The following PROZ variants were observed in gnomAD, a reference collection of about 807,000 sequenced individuals.
PROZ encodes vitamin K-dependent protein Z.
Under a neutral mutation model 34.9 loss-of-function variants are expected in PROZ, and 46 were observed. The observed-to-expected ratio is 1.32, with a 90% confidence interval of 1.04 to 1.69. PROZ has a LOEUF of 1.69. Ranked by LOEUF, PROZ falls within the 40% of genes most tolerant of loss-of-function variation. The pLI is 0.00. For missense variants in PROZ, 530 were observed against 520.4 expected (o/e 1.02, Z -0.18); for synonymous variants, 195 against 208.5 (o/e 0.94, Z 0.56).
At position 113,171,099 on chromosome 13, in the gene PROZ, T is replaced by C. The variant is rs767789729; in HGVS notation, c.692-495T>C. On this transcript the variant is annotated intron_variant, in intron 7 of 7. Transcript: ENST00000375547. This position sits in a 1 kb window ranked among gnomAD's most constrained non-coding sequence, Gnocchi z 5.1. ...CACCATATCCCACTAATTTTTTGTA[T>C]TTTTAGTAGAAATGGGGTTTTGCTA... Among the ~76,000 whole-genome samples, 1 of 152,136 alleles carries C rather than the reference T, an allele frequency of 6.6e-6. No individual in the cohort carries two copies. The highest frequency in any genetic ancestry group is 6.5e-5 in the Admixed American group (1 of 15,276).
At position 113,171,462 on chromosome 13, in the gene PROZ, C is replaced by T. The variant is rs929139959; in HGVS notation, c.692-132C>T. Reference sequence around the variant, plus strand: ...GCAGAAAGGCACAGTGTCCACACCACGGGGCGGTGAGCCTGCGGGTCCTCC... The same window carrying T: ...GCAGAAAGGCACAGTGTCCACACCATGGGGCGGTGAGCCTGCGGGTCCTCC... On this transcript the variant is annotated intron_variant, in intron 7 of 7. Transcript: ENST00000375547. The surrounding 1 kb of genome is among the most constrained non-coding windows in gnomAD (Gnocchi z 5.1). 1.3e-5 allele frequency: 14 copies of T among 1,092,986 alleles called. No individual in the cohort carries two copies. Among genetic ancestry groups the T allele is most frequent in the East Asian group, 7.6e-5 (3 of 39,326 alleles). The allele number at this position is 1,092,986 out of a possible 1,614,324, so 67.7% of individuals were successfully genotyped here.
intron 4 of PROZ, among the ~76,000 whole-genome samples, chr13:113,163,987 A>AAT (rs2036834975): frequency 1.5e-5 from 2 of 133,018 alleles, no homozygotes; most frequent in African/African-American, 2.8e-5. Context: ...TTTAATTTTT[A>AAT]TTTTATTTTT....
At chr13:113,169,431 T>G (rs2037043705) in intron 6 of PROZ, among the ~76,000 whole-genome samples, 1 of 152,250 alleles carries the variant, frequency 6.6e-6, no homozygotes, top group African/African-American at 2.4e-5. Context: ...TGGGATATTT[T>G]TCTTCTCATT....
intron 4 of PROZ, among the ~76,000 whole-genome samples, chr13:113,164,289 G>A (rs1420391319): frequency 6.6e-6 from 1 of 152,018 alleles, no homozygotes; most frequent in Non-Finnish European, 1.5e-5. Context: ...CACTCACGGA[G>A]TCTTTGTTCT....
At chr13:113,160,611 G>T (rs932974903) in intron 2 of PROZ, among the ~76,000 whole-genome samples, 7 of 152,200 alleles carry the variant, frequency 4.6e-5, no homozygotes, top group African/African-American at 1.4e-4. Context: ...TATATCATGT[G>T]CTTTTGTGGA....
intron 6 of PROZ, among the ~76,000 whole-genome samples, chr13:113,167,028 T>C (rs574076209): frequency 6.6e-6 from 1 of 152,272 alleles, no homozygotes; most frequent in Non-Finnish European, 1.5e-5. Flanking sequence ...TTCAGTATTA[T>C]AAATTGTTCT....
intron 3 of PROZ, among the ~76,000 whole-genome samples, chr13:113,161,507 A>AG (rs1467364404): frequency 6.6e-6 from 1 of 152,124 alleles, no homozygotes; most frequent in Non-Finnish European, 1.5e-5. Context: ...GTAAGCAAAG[A>AG]GCTGCAGCCA....
Position 113,164,527 on chromosome 13 carries a change from C to A in PROZ, c.388C>A (p.His130Asn). 3.1e-6 allele frequency: 5 copies of A among 1,612,186 alleles called. No individual in the cohort carries two copies. Among genetic ancestry groups the A allele is most frequent in the Non-Finnish European group, 4.2e-6 (5 of 1,179,830 alleles). The change falls in exon 5 of 8, where the codon CAC (histidine) becomes AAC (asparagine). Residue 130 changes from histidine to asparagine, a missense_variant. Coordinates refer to ENST00000375547, the MANE Select transcript of PROZ (RefSeq NM_003891.3). Reference sequence around the variant, plus strand: ...TTCCTTTTCAGCTAAAAATGAATGTCACCCAGAGCGGACTGATGGGTGTCA... The same window carrying A: ...TTCCTTTTCAGCTAAAAATGAATGTAACCCAGAGCGGACTGATGGGTGTCA... Reference protein sequence around the residue: ...SNCELAKNECHPERTDGCQHF... With the variant: ...SNCELAKNECNPERTDGCQHF...
At chr13:113,164,693 C>T (rs375148430) in intron 5 of PROZ, 49 bp downstream of exon 5, 48 of 1,608,296 alleles carry the variant, frequency 3.0e-5, no homozygotes, top group African/African-American at 9.4e-5. Context: ...CCAGCGACCC[C>T]GTCCACATCC....
chr13:113,161,825 CCCCG>C (rs2036768623), intron 3 of PROZ, among the ~76,000 whole-genome samples: 1 of 114,276 alleles, frequency 8.8e-6, no homozygotes, highest in South Asian at 4.0e-4. Flanking sequence ...CTGCTCAGGT[CCCCG>C]TCCCTGCCAC....
chr13:113,160,082 G>T lies in PROZ; in HGVS notation c.139G>T (p.Glu47Ter), dbSNP rs1388264007. The part of the protein sequence containing the change: ...RWKRAGSYLL[E>*]ELFEGNLEKE... ...GAAGCGTGCGGGCTCCTATCTTCTGGAAGAACTCTTCGAGGGAAACTTGGA... is the reference window on the plus strand; with the variant it reads ...GAAGCGTGCGGGCTCCTATCTTCTGTAAGAACTCTTCGAGGGAAACTTGGA... Residue 47 changes from glutamate (E) to a stop codon, truncating the protein, a stop_gained, in exon 2 of 8, where the codon GAA becomes TAA. Transcript: ENST00000375547. LOFTEE classifies it high-confidence loss of function. The T allele has an allele frequency of 1.2e-6, 2 of 1,614,074 alleles. No homozygotes were observed. Among genetic ancestry groups the T allele is most frequent in the African/African-American group, 2.7e-5 (2 of 74,950 alleles).
In PROZ at chr13:113,160,020, T is replaced by C; in HGVS notation, c.77T>C (p.Leu26Pro). Residue 26 changes from leucine (L) to proline (P), a missense_variant, in exon 2 of 8, where the codon CTC (leucine) becomes CCC (proline). Leu to Pro is a moderately conservative substitution (Grantham distance 98). Transcript: ENST00000375547. ...ALHRVEPSVF[L>P]PASKANDVLV... ...CTTCTTGTCTCGTCTGTAGTATTTC[T>C]CCCGGCCTCCAAAGCAAACGACGTT... is the stretch of plus-strand genomic sequence containing the variant. 1 of 1,613,992 alleles carries C rather than the reference T, an allele frequency of 6.2e-7. No homozygotes were observed. The highest frequency in any genetic ancestry group is 2.2e-5 in the East Asian group (1 of 44,888).
chr13:113,167,920 T>C (rs1353793361), intron 6 of PROZ, among the ~76,000 whole-genome samples: 1 of 152,224 alleles, frequency 6.6e-6, no homozygotes, highest in Admixed American at 6.5e-5. Flanking sequence ...TCTCCTTTGT[T>C]GGTTTATCAT....
Position 113,159,708 on chromosome 13 carries a change from C to T in PROZ, c.71-306C>T, listed in dbSNP as rs533280236. On this transcript the variant is annotated intron_variant, in intron 1 of 7. Coordinates refer to ENST00000375547, the MANE Select transcript of PROZ (RefSeq NM_003891.3). The surrounding 1 kb of genome is among the most constrained non-coding windows in gnomAD (Gnocchi z 4.6). ...CTTTGACCCCAGCTCAGCCTTCCTT[C>T]GCACTCAGACCCAAAACCCAGTTGG... Among the ~76,000 whole-genome samples, 4 of 152,388 alleles carry T rather than the reference C, an allele frequency of 2.6e-5. No individual in the cohort carries two copies. Among genetic ancestry groups the T allele is most frequent in the South Asian group, 2.1e-4 (1 of 4,834 alleles).
At chr13:113,168,477 C>G (rs955522708) in intron 6 of PROZ, among the ~76,000 whole-genome samples, 4 of 152,236 alleles carry the variant, frequency 2.6e-5, no homozygotes, top group African/African-American at 9.6e-5. Flanking sequence ...TGGGCCTGCC[C>G]CACTGCCTTC....
rs376192200 is a variant in PROZ, at chr13:113,172,021, G to C, written c.1119G>C (p.Ser373=). 9 of 1,613,006 alleles carry C rather than the reference G, an allele frequency of 5.6e-6. No individual in the cohort carries two copies. The Admixed American group carries it at 6.7e-5, about 12-fold the overall frequency. ...GGTTTCTCACGGGGGTCCTGGGCTC[G>C]CAGCCAGTAGGAGGGCAGGCTCACA... ...GSWFLTGVLG[S]QPVGGQAHMV... The change falls in exon 8 of 8, where the codon TCG becomes TCC. Residue 373 remains serine, a synonymous_variant. Transcript: ENST00000375547.
At chr13:113,168,009 G>A (rs936243907) in intron 6 of PROZ, among the ~76,000 whole-genome samples, 3 of 152,186 alleles carry the variant, frequency 2.0e-5, no homozygotes, top group Non-Finnish European at 4.4e-5. Flanking sequence ...CACTTTCGCC[G>A]ACGCCACATC....
At position 113,171,746 on chromosome 13, in the gene PROZ, A is replaced by G. The variant is rs1480822808; in HGVS notation, c.844A>G (p.Thr282Ala). Residue 282 changes from threonine (T) to alanine (A), a missense_variant, in exon 8 of 8, where the codon ACC becomes GCC. Transcript: ENST00000375547. The surrounding 1 kb of genome is among the most constrained non-coding windows in gnomAD (Gnocchi z 5.1). Reference protein sequence around the residue: ...QCPGAGLPVCTPEKDFAEHLL... With the variant: ...QCPGAGLPVCAPEKDFAEHLL... ...CCCAGGTGCGGGGCTCCCCGTGTGC[A>G]CCCCTGAGAAAGACTTCGCTGAGCA... The G allele has an allele frequency of 6.2e-7, 1 of 1,611,998 alleles. No individual in the cohort carries two copies. The highest frequency in any genetic ancestry group is 1.7e-5 in the Admixed American group (1 of 59,994).
At position 113,164,555 on chromosome 13, in the gene PROZ, A is replaced by C; in HGVS notation, c.416A>C (p.His139Pro). 6.2e-7 allele frequency: 1 copy of C among 1,612,850 alleles called. No homozygotes were observed. Among genetic ancestry groups the C allele is most frequent in the Non-Finnish European group, 8.5e-7 (1 of 1,179,878 alleles). The change falls in exon 5 of 8, where the codon CAC becomes CCC. Residue 139 changes from histidine to proline, a missense_variant. Transcript: ENST00000375547. The part of the protein sequence containing the change: ...CHPERTDGCQ[H>P]FCLPGQESYT... ...CCAGAGCGGACTGATGGGTGTCAACACTTCTGCCTCCCAGGACAGGAATCC... is the reference window on the plus strand; with the variant it reads ...CCAGAGCGGACTGATGGGTGTCAACCCTTCTGCCTCCCAGGACAGGAATCC...
Sources: allele counts gnomAD v4.1 joint callset (sites outside exome capture counted in the v4.1 genomes callset), GRCh38; gene constraint gnomAD v4.1.1; non-coding constraint Gnocchi (gnomAD v3.1); transcripts MANE v1.5; gene names NCBI Gene and HGNC (gene_info 2026-07-23, HGNC 2026-07-21).